The following ECHS1 variants were observed in gnomAD, a reference collection of about 807,000 sequenced individuals.
The protein encoded by ECHS1 is enoyl-CoA hydratase, short chain 1.
A neutral mutation model predicts 33.5 loss-of-function variants in ECHS1; 19 were observed. The ratio of observed to expected loss-of-function variants is 0.57; its 90% confidence interval spans 0.40 to 0.83. ECHS1 has a LOEUF of 0.83. Among genes scored for constraint, ECHS1 ranks in the 40% least tolerant of loss-of-function variants. The pLI, the probability that ECHS1 is intolerant of heterozygous loss-of-function variation, is 0.00. For synonymous variants in ECHS1, 158 were observed against 146.6 expected, an observed-to-expected ratio of 1.08 and a Z score of -0.56; for missense variants, 365 against 381.3, an observed-to-expected ratio of 0.96 and a Z score of 0.36.
intron 1 of ECHS1, among the ~76,000 whole-genome samples, chr10:133,371,020 G>A (rs1395816824): frequency 6.6e-6 from 1 of 152,242 alleles, no homozygotes; most frequent in Non-Finnish European, 1.5e-5. Context: ...GCTCACGCCT[G>A]TAATCCCAGC....
At chr10:133,364,252 T>C (rs939326934) in intron 7 of ECHS1, among the ~76,000 whole-genome samples, 4 of 152,036 alleles carry the variant, frequency 2.6e-5, no homozygotes, top group Non-Finnish European at 4.4e-5. Context: ...CCTCATTTTT[T>C]AAAAAAGTCT....
Position 133,370,607 on chromosome 10 carries a change from G to A in ECHS1, c.239C>T (p.Pro80Leu), listed in dbSNP as rs199890314. The A allele has an allele frequency of 5.0e-5, 81 of 1,610,904 alleles. No individual in the cohort carries two copies. The highest frequency in any genetic ancestry group is 1.2e-4 in the Admixed American group (7 of 59,588). Residue 80 changes from proline to leucine, a missense_variant, in exon 2 of 8, where the codon CCG becomes CTG. Coordinates refer to ENST00000368547, the MANE Select transcript of ECHS1 (RefSeq NM_004092.4). ...NQALKTFEED[P>L]AVGAIVLTGG... is the part of the protein sequence containing the mutation. ...GGTGAGGACAATGGCCCCCACGGCC[G>A]GGTCCTCCTCGAAGGTCTTCAGGGC... is the stretch of plus-strand genomic sequence containing the variant.
chr10:133,365,605 A>G (rs1480445225), intron 6 of ECHS1, among the ~76,000 whole-genome samples: 2 of 152,236 alleles, frequency 1.3e-5, no homozygotes, highest in Non-Finnish European at 2.9e-5. Flanking sequence ...TGCCAGGCGC[A>G]CACGCAGCCG....
chr10:133,369,167 G>A, intron 3 of ECHS1, 145 bp from the exon 4 acceptor site: 2 of 679,720 alleles, frequency 2.9e-6, no homozygotes, highest in Middle Eastern at 2.7e-4. Context: ...CTAGATAATT[G>A]TTATGATAAG....
intron 1 of ECHS1, among the ~76,000 whole-genome samples, chr10:133,372,526 C>T (rs1564805908): frequency 6.6e-6 from 1 of 152,164 alleles, no homozygotes; most frequent in Non-Finnish European, 1.5e-5. Flanking sequence ...AGGAGCTACG[C>T]CTGCTCTTAG....
chr10:133,367,039 C>A, intron 4 of ECHS1, 46 bp from the exon 5 acceptor site: 2 of 1,482,144 alleles, frequency 1.3e-6, no homozygotes, highest in South Asian at 2.3e-5. Flanking sequence ...TGAGTGAACC[C>A]AAGAAGACAT....
chr10:133,371,955 C>A (rs1486429665), intron 1 of ECHS1, among the ~76,000 whole-genome samples: 1 of 152,184 alleles, frequency 6.6e-6, no homozygotes, highest in Non-Finnish European at 1.5e-5. Flanking sequence ...CACCACCACA[C>A]CTGGCTAATT....
At chr10:133,372,525 G>A (rs541587553) in intron 1 of ECHS1, among the ~76,000 whole-genome samples, 147 of 152,286 alleles carry the variant, frequency 9.7e-4, no homozygotes, top group African/African-American at 3.2e-3. Flanking sequence ...CAGGAGCTAC[G>A]CCTGCTCTTA....
chr10:133,368,278 C>T (rs1169086036), intron 4 of ECHS1, among the ~76,000 whole-genome samples: 2 of 152,194 alleles, frequency 1.3e-5, no homozygotes, highest in East Asian at 1.9e-4. Context: ...CTTATAGTAG[C>T]AGCTGTTCTA....
chr10:133,363,396 C>T, intron 7 of ECHS1, among the ~76,000 whole-genome samples: 1 of 150,618 alleles, frequency 6.6e-6, no homozygotes, highest in Admixed American at 6.6e-5. Context: ...CATCTGTACC[C>T]CTTCCTCAGG....
chr10:133,369,759 T>C (rs1449224756), intron 3 of ECHS1, 145 bp downstream of exon 3: 2 of 1,187,766 alleles, frequency 1.7e-6, no homozygotes, highest in Non-Finnish European at 2.3e-6. Flanking sequence ...ACACAGTTCC[T>C]GGCTCTTTAG....
In ECHS1 at chr10:133,369,046, G is replaced by A. The variant is rs772331270; in HGVS notation, c.415-24C>T. 1.7e-5 allele frequency: 27 copies of A among 1,607,840 alleles called. 1 individual carries two copies. The South Asian group carries it at 3.0e-4, about 18-fold the overall frequency. Reference sequence around the variant, plus strand: ...AACTGTAAAACATTCGGCATCAGGAGAGTCTTACCAGGGGAACCCAGTCAG... The same window carrying A: ...AACTGTAAAACATTCGGCATCAGGAAAGTCTTACCAGGGGAACCCAGTCAG... On this transcript the variant is annotated intron_variant, in intron 3 of 7. Transcript: ENST00000368547.
At chr10:133,369,125 G>A (rs1849071512) in intron 3 of ECHS1, 103 bp from the exon 4 acceptor site, 9 of 1,082,432 alleles carry the variant, frequency 8.3e-6, no homozygotes, top group Non-Finnish European at 1.1e-5. Flanking sequence ...CAGTGTTGGG[G>A]GTATGACAAA....
At chr10:133,364,835 G>A (rs914230009) in intron 6 of ECHS1, 110 bp from the exon 7 acceptor site, 4 of 841,686 alleles carry the variant, frequency 4.8e-6, no homozygotes, top group African/African-American at 3.4e-5. Context: ...TGCTTTCGAC[G>A]TGGCCCAGCC....
intron 7 of ECHS1, among the ~76,000 whole-genome samples, chr10:133,363,434 T>C (rs891451627): frequency 6.6e-6 from 1 of 152,254 alleles, no homozygotes; most frequent in African/African-American, 2.4e-5. Flanking sequence ...ATTTTTATTT[T>C]ATAGAACAAT....
intron 7 of ECHS1, among the ~76,000 whole-genome samples, chr10:133,364,191 C>T (rs1328628256): frequency 2.0e-5 from 3 of 152,044 alleles, no homozygotes; most frequent in Non-Finnish European, 2.9e-5. Flanking sequence ...GCAATCCACC[C>T]GCCTCAGCCT....
In ECHS1 at chr10:133,373,347, C is replaced by T. The variant is rs867367723; in HGVS notation, c.-14G>A. 1.3e-6 allele frequency: 2 copies of T among 1,492,578 alleles called. No individual in the cohort carries two copies. Among genetic ancestry groups the T allele is most frequent in the East Asian group, 2.9e-5 (1 of 34,426 alleles). The allele number at this position is 1,492,578 out of a possible 1,614,324, so 92.5% of individuals were successfully genotyped here. The stretch of plus-strand genomic sequence containing the variant: ...CAGGGCGGCCATGGCTCTCTGGACT[C>T]CTCGCCCGGCCCCGCGGAGCCGCCC... On this transcript the variant is annotated 5_prime_UTR_variant, in exon 1 of 8. Coordinates refer to ENST00000368547, the MANE Select transcript of ECHS1 (RefSeq NM_004092.4).
At chr10:133,368,122 C>A (rs1237355282) in intron 4 of ECHS1, among the ~76,000 whole-genome samples, 6 of 152,174 alleles carry the variant, frequency 3.9e-5, no homozygotes, top group Non-Finnish European at 7.3e-5. Flanking sequence ...ATGGGGAGAA[C>A]ACCTGCTAAG....
Position 133,364,707 on chromosome 10 carries a change from G to C in ECHS1, c.758C>G (p.Thr253Arg), listed in dbSNP as rs764679717. Residue 253 changes from threonine to arginine, a missense_variant, in exon 7 of 8, where the codon ACA becomes AGA. Transcript: ENST00000368547. ...SVNAAFEMTL[T>R]EGSKLEKKLF... The stretch of plus-strand genomic sequence containing the variant: ...TTTCTTCTCCAACTTACTTCCTTCT[G>C]TTAATGTCATTTCAAAAGCTGAAAA... 6.2e-7 allele frequency: 1 copy of C among 1,613,690 alleles called. No individual in the cohort carries two copies. The highest frequency in any genetic ancestry group is 1.1e-5 in the South Asian group (1 of 91,078).
Sources: allele counts gnomAD v4.1 joint callset (sites outside exome capture counted in the v4.1 genomes callset), GRCh38; gene constraint gnomAD v4.1.1; transcripts MANE v1.5; gene names NCBI Gene and HGNC (gene_info 2026-07-23, HGNC 2026-07-21).